Variants in REV1 observed in about 807,000 individuals in gnomAD.
REV1 encodes translesion synthesis protein REV1.
In REV1, 42 loss-of-function variants were observed where a neutral mutation model predicts 137.4. The ratio of observed to expected loss-of-function variants is 0.31; its 90% CI spans 0.24 to 0.40. The LOEUF is 0.40. Ranked by LOEUF, REV1 falls within the 10% of genes least tolerant of loss-of-function variation. The pLI is 1.00. For missense variants in REV1, 1,282 were observed against 1,490.1 expected (o/e 0.86, Z 2.30); for synonymous variants, 524 against 519.2 (o/e 1.01, Z -0.12).
At chr2:99,417,649 G>A (rs1441980648) in intron 12 of REV1, among the ~76,000 whole-genome samples, 1 of 152,190 alleles carries the variant, frequency 6.6e-6, no homozygotes, top group African/African-American at 2.4e-5. Context: ...AGCCAACCCT[G>A]CTGACACCTT....
At chr2:99,405,523 C>A (rs1015988544) in intron 17 of REV1, 3 of 159,410 alleles carry the variant, frequency 1.9e-5, no homozygotes, top group Non-Finnish European at 4.1e-5. Flanking sequence ...CCATCCAAAT[C>A]TCCAGAGACC....
chr2:99,443,994 A>AT (rs927443048), intron 4 of REV1, among the ~76,000 whole-genome samples: 16 of 151,456 alleles, frequency 1.1e-4, no homozygotes, highest in African/African-American at 2.9e-4. Flanking sequence ...AATTTTTTGT[A>AT]TTTTTTTAGT....
chr2:99,488,775 CCTA>C (rs1687362934), intron 1 of REV1, among the ~76,000 whole-genome samples: 2 of 152,092 alleles, frequency 1.3e-5, no homozygotes, highest in African/African-American at 2.4e-5. Context: ...TCCTACCCTA[CCTA>C]AACAGGAAAT....
Position 99,401,208 on chromosome 2 carries a change from G to T in REV1, c.*33C>A. ...ATACCTCACAAGCACTTATGGCACAGCTATCAGAGAGCATCAGGCTCTCTG... is the reference window on the plus strand; with the variant it reads ...ATACCTCACAAGCACTTATGGCACATCTATCAGAGAGCATCAGGCTCTCTG... On this transcript the variant is annotated 3_prime_UTR_variant, in exon 23 of 23. Coordinates refer to ENST00000258428, the MANE Select transcript of REV1 (RefSeq NM_016316.4). 1 of 1,306,448 alleles carries T rather than the reference G, an allele frequency of 7.7e-7. No homozygotes were observed. The highest frequency in any genetic ancestry group is 1.1e-6 in the Non-Finnish European group (1 of 900,616). The allele number at this position is 1,306,448 out of a possible 1,614,324, so 80.9% of individuals were successfully genotyped here.
rs1439561846 is a variant in REV1 at position 99,462,601 on chromosome 2, C to T, written c.76G>A (p.Val26Ile). Reference protein sequence around the residue: ...ETWGGYMAAKVQKLEEQFRSD... With the variant: ...ETWGGYMAAKIQKLEEQFRSD... ...CGAAACTGTTCCTCCAATTTCTGGA[C>T]CTTGGCAGCCATATACCCACCCTAG... is the stretch of plus-strand genomic sequence containing the variant. The change falls in exon 3 of 23, where the codon GTC becomes ATC. Residue 26 changes from valine (V) to isoleucine (I), a missense_variant. Physicochemically the swap from Val to Ile is conservative, Grantham distance 29 (BLOSUM62 3). Around this residue, in one of 7 missense-constraint regions of REV1, gnomAD observed 107 missense variants for 164.3 expected, o/e 0.65. Coordinates refer to ENST00000258428, the MANE Select transcript of REV1 (RefSeq NM_016316.4). 6.2e-7 allele frequency: 1 copy of T among 1,612,910 alleles called. No homozygotes were observed. The highest frequency in any genetic ancestry group is 1.1e-5 in the South Asian group (1 of 90,698).
At chr2:99,428,734 G>A (rs977734295) in intron 9 of REV1, among the ~76,000 whole-genome samples, 40 of 152,110 alleles carry the variant, frequency 2.6e-4, no homozygotes, top group African/African-American at 9.4e-4. Context: ...AGTGGCTCAC[G>A]CCTGTAATCC....
chr2:99,405,132 A>T (rs1186714894), intron 17 of REV1: 2 of 171,764 alleles, frequency 1.2e-5, no homozygotes, highest in Non-Finnish European at 1.2e-5. Context: ...AAATAATTCT[A>T]CTCTGAGAGC....
rs140596471 is a variant in REV1 at position 99,461,878 on chromosome 2, T to C, written c.181+618A>G. On this transcript the variant is annotated intron_variant, in intron 3 of 22. Coordinates refer to ENST00000258428, the MANE Select transcript of REV1 (RefSeq NM_016316.4). ...CAACAGGCAAAGAAGCATTTGCACA[T>C]TTCTTTCCTTTCACCAAGAATAAAG... Among the ~76,000 whole-genome samples, 510 of 152,326 alleles carry C rather than the reference T, an allele frequency of 3.3e-3. 3 individuals carry two copies. The highest frequency in any genetic ancestry group is 0.012 in the African/African-American group (494 of 41,582).
chr2:99,432,101 A>C (rs1680197578), intron 8 of REV1, among the ~76,000 whole-genome samples: 1 of 152,212 alleles, frequency 6.6e-6, no homozygotes, highest in South Asian at 2.1e-4. Flanking sequence ...TTTGGAGCAT[A>C]AATTGTTCCA....
chr2:99,481,205 TAATG>T (rs1299569281), intron 1 of REV1, among the ~76,000 whole-genome samples: 2 of 152,190 alleles, frequency 1.3e-5, no homozygotes, highest in Non-Finnish European at 2.9e-5. Flanking sequence ...TCCAAATAAC[TAATG>T]AATAATTACG....
intron 12 of REV1, among the ~76,000 whole-genome samples, chr2:99,416,235 A>G (rs1677836744): frequency 6.6e-6 from 1 of 152,244 alleles, no homozygotes; most frequent in Admixed American, 6.5e-5. Flanking sequence ...ATCACCAAAT[A>G]TCTTTGAGAA....
chr2:99,438,514 T>C (rs1266788586), intron 6 of REV1, 87 bp downstream of exon 6: 4 of 963,912 alleles, frequency 4.1e-6, no homozygotes, highest in Admixed American at 2.1e-5. Flanking sequence ...GAGAACTTCA[T>C]ATTGACCAGA....
intron 4 of REV1, among the ~76,000 whole-genome samples, chr2:99,443,908 T>C (rs1681834282): frequency 6.6e-6 from 1 of 152,118 alleles, no homozygotes; most frequent in African/African-American, 2.4e-5. Context: ...AGTGGCGCGA[T>C]CTCGGCTTCA....
At position 99,412,881 on chromosome 2, in the gene REV1, C is replaced by A; in HGVS notation, c.2022G>T (p.Met674Ile). The change falls in exon 13 of 23, where the codon ATG becomes ATT. Residue 674 changes from methionine (M) to isoleucine (I), a missense_variant. Physicochemically the swap from Met to Ile is conservative, Grantham distance 10 (BLOSUM62 1). This residue lies in a region of REV1 where 372 missense variants were observed against 482.3 expected (regional missense o/e 0.77). Transcript: ENST00000258428. ...ATTCTTTTTGGAGTTTTGCCATGGT[C>A]ATATACTGCAAGTCTCCACAAGTTT... ...GIKTCGDLQY[M>I]TMAKLQKEFG... is the part of the protein sequence containing the mutation. 6.2e-7 allele frequency: 1 copy of A among 1,614,128 alleles called. No individual in the cohort carries two copies. Among genetic ancestry groups the A allele is most frequent in the Non-Finnish European group, 8.5e-7 (1 of 1,180,006 alleles).
chr2:99,468,880 A>G (rs573469182), intron 1 of REV1, among the ~76,000 whole-genome samples: 39 of 152,338 alleles, frequency 2.6e-4, no homozygotes, highest in South Asian at 1.7e-3. Context: ...GTGAGACTAC[A>G]CACGTGGAAA....
intron 1 of REV1, among the ~76,000 whole-genome samples, chr2:99,479,320 C>CT (rs1204320130): frequency 5.7e-5 from 6 of 105,664 alleles, no homozygotes; most frequent in Non-Finnish European, 1.1e-4. Flanking sequence ...GAGCGAGACT[C>CT]TGTCTCAAAA....
chr2:99,400,968 A>G lies in REV1; in HGVS notation c.*273T>C, dbSNP rs554858164. ...CAAAATATACATACAGTTCTTTATT[A>G]AACAACTGTAAACACTTCACTGTAA... On this transcript the variant is annotated 3_prime_UTR_variant, in exon 23 of 23. Transcript: ENST00000258428. 9.3e-6 allele frequency: 2 copies of G among 215,904 alleles called. No individual in the cohort carries two copies. Among genetic ancestry groups the G allele is most frequent in the Admixed American group, 1.1e-4 (2 of 18,950 alleles). 13.4% of individuals were successfully genotyped at this position (215,904 alleles called of 1,614,324 possible).
At chr2:99,473,074 C>G (rs1685589950) in intron 1 of REV1, among the ~76,000 whole-genome samples, 1 of 151,990 alleles carries the variant, frequency 6.6e-6, no homozygotes, top group Non-Finnish European at 1.5e-5. Flanking sequence ...GTATATAAAA[C>G]AAAACAAAAG....
Position 99,403,109 on chromosome 2 carries a change from A to C in REV1, c.3167-3T>G. Reference sequence around the variant, plus strand: ...ATGAAGTAAAGGATTCTTTGGCACTAAGAGCAGATGGATATAAGATCCTCA... The same window carrying C: ...ATGAAGTAAAGGATTCTTTGGCACTCAGAGCAGATGGATATAAGATCCTCA... On this transcript the variant is annotated splice_region_variant and splice_polypyrimidine_tract_variant and intron_variant, in intron 19 of 22. Transcript: ENST00000258428. The C allele has an allele frequency of 6.3e-7, 1 of 1,590,338 alleles. No homozygotes were observed. Among genetic ancestry groups the C allele is most frequent in the Non-Finnish European group, 8.6e-7 (1 of 1,166,902 alleles).
Sources: allele counts gnomAD v4.1 joint callset (sites outside exome capture counted in the v4.1 genomes callset), GRCh38; gene constraint gnomAD v4.1.1; regional missense constraint gnomAD v4.1.1; transcripts MANE v1.5; gene names NCBI Gene and HGNC (gene_info 2026-07-23, HGNC 2026-07-21).